The following OTUD4 variants were observed in gnomAD, a reference collection of about 807,000 sequenced individuals.
The protein encoded by OTUD4 is OTU deubiquitinase 4, also known as OTU domain-containing protein 4.
Under a neutral mutation model 130.4 loss-of-function variants are expected in OTUD4, and 24 were observed. The ratio of observed to expected loss-of-function variants is 0.18; its 90% CI spans 0.13 to 0.26. The LOEUF is 0.26. OTUD4 is among the 10% of genes least tolerant of loss of function. OTUD4 has a pLI of 1.00. For synonymous variants in OTUD4, 420 were observed against 472.5 expected (o/e 0.89, Z 1.44); for missense variants, 1,031 against 1,329.4 (o/e 0.78, Z 3.49).
rs748457718 is a variant in OTUD4 at position 145,144,475 on chromosome 4, TAC to T, written c.1423-43_1423-42del. The T allele has an allele frequency of 5.7e-6, 9 of 1,580,802 alleles. No individual in the cohort carries two copies. In the East Asian group the frequency reaches 1.6e-4, roughly 28 times the overall value. ...AACCCAACATTTTGTGTTAAAGATT[TAC>T]CCACAGATACATGAACAAATTCTGT... On this transcript the variant is annotated intron_variant, in intron 14 of 20. Transcript: ENST00000447906.
Position 145,179,984 on chromosome 4 carries a change from C to T in OTUD4, c.-11G>A, listed in dbSNP as rs1484613496. ...GACGGCAGCCTCCATGTTGCTGGTC[C>T]TGCTGCAGGCCAGGCGCGGCGAGGG... On this transcript the variant is annotated 5_prime_UTR_variant, in exon 1 of 21. Coordinates refer to ENST00000447906, the MANE Select transcript of OTUD4 (RefSeq NM_001366057.1). 1 of 1,498,862 alleles carries T rather than the reference C, an allele frequency of 6.7e-7. No individual in the cohort carries two copies. Among genetic ancestry groups the T allele is most frequent in the Non-Finnish European group, 8.8e-7 (1 of 1,133,150 alleles). 92.8% of individuals were successfully genotyped at this position (1,498,862 alleles called of 1,614,324 possible). A position where few individuals can be genotyped will look rare whatever the true frequency, so the allele number is the denominator to read the frequency against.
chr4:145,143,894 T>C, intron 16 of OTUD4, 52 bp downstream of exon 16: 1 of 1,284,678 alleles, frequency 7.8e-7, no homozygotes, highest in South Asian at 1.2e-5. Flanking sequence ...CCTACTGTAC[T>C]ACACAGTATT....
intron 3 of OTUD4, among the ~76,000 whole-genome samples, chr4:145,168,058 T>C (rs976738137): frequency 1.3e-5 from 2 of 152,194 alleles, no homozygotes; most frequent in African/African-American, 4.8e-5. Flanking sequence ...ACCACTGTCT[T>C]CTAACACTGT....
intron 3 of OTUD4, among the ~76,000 whole-genome samples, chr4:145,167,613 T>C (rs1391326525): frequency 6.6e-6 from 1 of 152,130 alleles, no homozygotes; most frequent in Non-Finnish European, 1.5e-5. Flanking sequence ...TCCCAGCACT[T>C]TGGGAGGCCA....
intron 11 of OTUD4, among the ~76,000 whole-genome samples, chr4:145,152,154 A>C (rs911138161): frequency 6.6e-5 from 10 of 152,162 alleles, no homozygotes; most frequent in African/African-American, 2.4e-4. Flanking sequence ...GACGAAGTCT[A>C]GCTCTGTCGC....
chr4:145,169,129 G>T (rs1752025884), intron 3 of OTUD4, among the ~76,000 whole-genome samples: 1 of 152,200 alleles, frequency 6.6e-6, no homozygotes, highest in Non-Finnish European at 1.5e-5. Flanking sequence ...GGTCCCAGGG[G>T]ATAGGCGGAA....
At chr4:145,165,013 T>C (rs933382002) in intron 4 of OTUD4, 138 bp downstream of exon 4, 4 of 478,524 alleles carry the variant, frequency 8.4e-6, no homozygotes, top group Non-Finnish European at 1.5e-5. Flanking sequence ...ATCTAATTGA[T>C]GCAATTAAAA....
chr4:145,165,590 G>A (rs557074177), intron 3 of OTUD4, among the ~76,000 whole-genome samples: 66 of 151,952 alleles, frequency 4.3e-4, no homozygotes, highest in Non-Finnish European at 7.8e-4. Context: ...CGATTCTCCC[G>A]CCTCAGCCTC....
At chr4:145,141,676 G>C (rs566011492) in intron 18 of OTUD4, 37 bp from the exon 19 acceptor site, 1 of 1,498,336 alleles carries the variant, frequency 6.7e-7, no homozygotes, top group Non-Finnish European at 8.9e-7. Flanking sequence ...AATGACAAAA[G>C]ATGAAAATCT....
chr4:145,173,486 CATT>C (rs944200964), intron 2 of OTUD4, among the ~76,000 whole-genome samples: 1 of 152,160 alleles, frequency 6.6e-6, no homozygotes, highest in African/African-American at 2.4e-5. Flanking sequence ...TAGCAATGTC[CATT>C]ATTATCAACA....
chr4:145,155,970 T>A lies in OTUD4; in HGVS notation c.656A>T (p.Asp219Val), dbSNP rs970947172. ...TGACAAAGGTTTAAATCCATTCACATCAGCAGCAGCAGCAGCAGTCTTACT... is the reference window on the plus strand; with the variant it reads ...TGACAAAGGTTTAAATCCATTCACAACAGCAGCAGCAGCAGCAGTCTTACT... ...CKSKTAAAAA[D>V]VNGFKPLSGN... is the part of the protein sequence containing the mutation. The change falls in exon 8 of 21, where the codon GAT becomes GTT. Residue 219 changes from aspartate to valine, a missense_variant. Coordinates refer to ENST00000447906, the MANE Select transcript of OTUD4 (RefSeq NM_001366057.1). The A allele has an allele frequency of 7.5e-6, 12 of 1,606,650 alleles. No homozygotes were observed. Among genetic ancestry groups the A allele is most frequent in the Admixed American group, 1.7e-5 (1 of 59,462 alleles).
chr4:145,155,438 T>C lies in OTUD4; in HGVS notation c.846A>G (p.Leu282=), dbSNP rs774182471. 20 of 1,611,500 alleles carry C rather than the reference T, an allele frequency of 1.2e-5. No homozygotes were observed. In the Admixed American group the frequency reaches 2.3e-4, roughly 19 times the overall value. ...QKRDYSIAAG[L]QYEVGDKCQV... ...GACATTTGTCTCCAACTTCATATTG[T>C]AAGCCAGCAGCAATGGAATAATCAC... is the stretch of plus-strand genomic sequence containing the variant. Residue 282 remains leucine, a synonymous_variant, in exon 10 of 21, where the codon TTA becomes TTG. Transcript: ENST00000447906.
At chr4:145,155,148 G>A (rs2126769301) in intron 10 of OTUD4, among the ~76,000 whole-genome samples, 1 of 152,206 alleles carries the variant, frequency 6.6e-6, no homozygotes, top group East Asian at 1.9e-4. Context: ...TTACTTCTTT[G>A]AACCAAGTAA....
intron 1 of OTUD4, among the ~76,000 whole-genome samples, chr4:145,177,257 T>A (rs1280264429): frequency 1.3e-5 from 2 of 152,200 alleles, no homozygotes; most frequent in African/African-American, 4.8e-5. Flanking sequence ...CAAACATAAG[T>A]TAGTAAAGCT....
rs1435690417 is a variant in OTUD4 at position 145,133,812 on chromosome 4, AC to A, written c.*3617del. On this transcript the variant is annotated 3_prime_UTR_variant, in exon 21 of 21. Transcript: ENST00000447906. Reference sequence around the variant, plus strand: ...ATAAACAGGAATATATTCAACACTTACAAAAAGTGATATGATAAAGAATATA... The same window carrying A: ...ATAAACAGGAATATATTCAACACTTAAAAAAGTGATATGATAAAGAATATA... 3 of 152,726 alleles carry A rather than the reference AC, an allele frequency of 2.0e-5. No homozygotes were observed. Among genetic ancestry groups the A allele is most frequent in the East Asian group, 1.9e-4 (1 of 5,190 alleles). 9.5% of individuals were successfully genotyped at this position (152,726 alleles called of 1,614,324 possible). A position where few individuals can be genotyped will look rare whatever the true frequency, so the allele number is the denominator to read the frequency against.
At chr4:145,159,848 A>C (rs1751470942) in intron 6 of OTUD4, among the ~76,000 whole-genome samples, 1 of 152,240 alleles carries the variant, frequency 6.6e-6, no homozygotes, top group Non-Finnish European at 1.5e-5. Context: ...AGTTTAAAAT[A>C]ATCGCAAAAG....
chr4:145,176,374 TAGAA>T (rs577682728), intron 1 of OTUD4, among the ~76,000 whole-genome samples: 7 of 151,572 alleles, frequency 4.6e-5, no homozygotes, highest in African/African-American at 1.5e-4. Context: ...TTTATATTAA[TAGAA>T]AGTATCTTTA....
intron 6 of OTUD4, among the ~76,000 whole-genome samples, chr4:145,162,121 C>T (rs371426692): frequency 6.6e-6 from 1 of 152,104 alleles, no homozygotes; most frequent in African/African-American, 2.4e-5. Flanking sequence ...CACAGGCATG[C>T]GCCACCATGC....
intron 14 of OTUD4, among the ~76,000 whole-genome samples, chr4:145,145,056 C>T (rs535374197): frequency 6.6e-6 from 1 of 152,168 alleles, no homozygotes; most frequent in East Asian, 1.9e-4. Flanking sequence ...CAAATCTGAG[C>T]CACTATCAAA....
Sources: gnomAD v4.1 joint callset for allele counts (sites outside exome capture counted in the v4.1 genomes callset) on GRCh38, gnomAD v4.1.1 for gene constraint, MANE v1.5 for transcripts, NCBI Gene and HGNC (gene_info 2026-07-23, HGNC 2026-07-21) for gene names.